Variants in AFG3L2 observed in about 807,000 individuals in gnomAD.
AFG3L2 encodes the protein AFG3 like matrix AAA peptidase subunit 2.
Under a neutral mutation model 94.5 loss-of-function variants are expected in AFG3L2, and 54 were observed. The ratio of observed to expected loss-of-function variants is 0.57; its 90% CI spans 0.46 to 0.72. AFG3L2 has a LOEUF of 0.72. Among genes scored for constraint, AFG3L2 ranks in the 30% least tolerant of loss-of-function variants. The pLI, the probability that AFG3L2 is intolerant of heterozygous loss-of-function variation, is 0.00. For missense variants in AFG3L2, 754 were observed against 994.9 expected (o/e 0.76, Z 3.26); for synonymous variants, 377 against 365.5 (o/e 1.03, Z -0.36).
At chr18:12,341,728 G>A (rs1442799420) in intron 14 of AFG3L2, 1 of 152,164 alleles carries the variant, frequency 6.6e-6, no homozygotes, top group Non-Finnish European at 1.5e-5. Context: ...GTCCTTGCAT[G>A]GACATAGGTT....
intron 16 of AFG3L2, among the ~76,000 whole-genome samples, chr18:12,334,341 T>C (rs866631600): frequency 8.5e-5 from 13 of 152,286 alleles, no homozygotes; most frequent in Admixed American, 2.6e-4. Flanking sequence ...GTACAGACAC[T>C]GAGACTGTGG....
intron 16 of AFG3L2, among the ~76,000 whole-genome samples, chr18:12,333,087 T>C (rs1351903330): frequency 3.1e-5 from 3 of 95,906 alleles, no homozygotes; most frequent in Admixed American, 1.5e-4. Context: ...TATTATATAA[T>C]AGATTATAAT....
At position 12,353,174 on chromosome 18, in the gene AFG3L2, AAGAGAGTCACCTGACC is replaced by A. The variant is rs775166242; in HGVS notation, c.1165-32_1165-17del. ...AGTCTCGGACCTTGGCAAAAACAGA[AAGAGAGTCACCTGACC>A]AGAGAATATTATGTATTCTCTGAAT... On this transcript the variant is annotated splice_polypyrimidine_tract_variant and intron_variant, in intron 9 of 16. Transcript: ENST00000269143. The A allele has an allele frequency of 3.1e-6, 5 of 1,613,560 alleles. No individual in the cohort carries two copies. The African/African-American group carries it at 5.3e-5, about 17-fold the overall frequency.
rs377073538 is a variant in AFG3L2 at position 12,329,514 on chromosome 18, G to A, written c.*51C>T. On this transcript the variant is annotated 3_prime_UTR_variant, in exon 17 of 17. Transcript: ENST00000269143. The stretch of plus-strand genomic sequence containing the variant: ...TTCTGAAAGCCACAGCTGAAATAAT[G>A]CACCAGCTGAAACCACAGTGGACAG... The A allele has an allele frequency of 2.5e-5, 38 of 1,547,666 alleles. No individual in the cohort carries two copies. The African/African-American group carries it at 4.1e-4, about 17-fold the overall frequency.
chr18:12,335,311 G>A (rs1907705647), intron 16 of AFG3L2, among the ~76,000 whole-genome samples: 1 of 152,066 alleles, frequency 6.6e-6, no homozygotes, highest in African/African-American at 2.4e-5. Flanking sequence ...TGTAAAATGA[G>A]GATTTACTGA....
intron 9 of AFG3L2, among the ~76,000 whole-genome samples, chr18:12,354,134 C>CTCCCCA (rs1394856520): frequency 4.2e-5 from 4 of 95,764 alleles, no homozygotes; most frequent in African/African-American, 1.3e-4. Context: ...CCACTCCCAC[C>CTCCCCA]CCCCCCCCCC....
At chr18:12,345,099 G>C (rs2143144453) in intron 13 of AFG3L2, among the ~76,000 whole-genome samples, 1 of 152,348 alleles carries the variant, frequency 6.6e-6, no homozygotes, top group Admixed American at 6.5e-5. Context: ...GAGCTACCTA[G>C]GTGGAGCCAG....
chr18:12,346,141 G>A (rs1908127759), intron 13 of AFG3L2, among the ~76,000 whole-genome samples: 1 of 152,136 alleles, frequency 6.6e-6, no homozygotes, highest in Non-Finnish European at 1.5e-5. Flanking sequence ...CCTGTTACTG[G>A]CACATCTTCC....
intron 3 of AFG3L2, 27 bp from the exon 4 acceptor site, chr18:12,367,409 G>C: frequency 6.2e-7 from 1 of 1,608,394 alleles, no homozygotes; most frequent in Non-Finnish European, 8.5e-7. Context: ...AGCACACACA[G>C]AAGCACGGCA....
intron 1 of AFG3L2, 125 bp downstream of exon 1, chr18:12,376,844 C>A (rs1196627675): frequency 1.5e-6 from 1 of 678,264 alleles, no homozygotes; most frequent in African/African-American, 1.9e-5. Context: ...GGCGCCCAGG[C>A]CCTCGGCAGG....
intron 7 of AFG3L2, 22 bp from the exon 8 acceptor site, chr18:12,358,965 C>G: frequency 6.2e-7 from 1 of 1,600,570 alleles, no homozygotes; most frequent in East Asian, 2.2e-5. Context: ...CAGCGCAACA[C>G]GGGTTAGGAC....
At chr18:12,340,761 A>G (rs1907923837) in intron 14 of AFG3L2, among the ~76,000 whole-genome samples, 1 of 151,778 alleles carries the variant, frequency 6.6e-6, no homozygotes, top group African/African-American at 2.4e-5. Flanking sequence ...AGGCCTGGCT[A>G]ATTTTTTATT....
intron 10 of AFG3L2, among the ~76,000 whole-genome samples, chr18:12,351,632 C>G (rs1168474264): frequency 6.6e-6 from 1 of 151,790 alleles, no homozygotes; most frequent in Admixed American, 6.6e-5. Context: ...CTGCAACCTC[C>G]GCTTCCCAGG....
intron 6 of AFG3L2, among the ~76,000 whole-genome samples, chr18:12,361,752 A>G (rs538027712): frequency 6.6e-6 from 1 of 152,270 alleles, no homozygotes; most frequent in African/African-American, 2.4e-5. Context: ...TTTCTCTCCA[A>G]GTATCTAAAA....
intron 14 of AFG3L2, chr18:12,341,635 C>T (rs1907956270): frequency 6.6e-6 from 1 of 152,204 alleles, no homozygotes; most frequent in African/African-American, 2.4e-5. Context: ...TCCACTGCTA[C>T]AAACATACCA....
At chr18:12,356,885 T>A in intron 8 of AFG3L2, 54 bp from the exon 9 acceptor site, 1 of 1,556,272 alleles carries the variant, frequency 6.4e-7, no homozygotes, top group Non-Finnish European at 8.8e-7. Flanking sequence ...AAAAGTAAAT[T>A]GTGTATCCAC....
At chr18:12,348,202 A>G in intron 13 of AFG3L2, 71 bp downstream of exon 13, 1 of 1,359,094 alleles carries the variant, frequency 7.4e-7, no homozygotes, top group Non-Finnish European at 1.0e-6. Flanking sequence ...GTTCTTGCCC[A>G]AACAGAGAAA....
chr18:12,337,676 A>G, intron 15 of AFG3L2, 141 bp from the exon 16 acceptor site: 1 of 755,676 alleles, frequency 1.3e-6, no homozygotes, highest in East Asian at 2.7e-5. Context: ...ACAGTGCTTT[A>G]AACTCATGAC....
At chr18:12,365,393 C>T (rs1308699776) in intron 5 of AFG3L2, among the ~76,000 whole-genome samples, 2 of 152,324 alleles carry the variant, frequency 1.3e-5, no homozygotes, top group East Asian at 3.9e-4. Flanking sequence ...GTCCCCACTA[C>T]ATCTGAGAAT....
Sources: gnomAD v4.1 joint callset for allele counts (sites outside exome capture counted in the v4.1 genomes callset) on GRCh38, gnomAD v4.1.1 for gene constraint, MANE v1.5 for transcripts, NCBI Gene and HGNC (gene_info 2026-07-23, HGNC 2026-07-21) for gene names.